Variants in TTC3 observed in about 807,000 individuals in gnomAD.
The protein encoded by TTC3 is E3 ubiquitin-protein ligase TTC3.
In TTC3, 180 loss-of-function variants were observed where a neutral mutation model predicts 249.6. That is an observed-to-expected ratio of 0.72 (90% CI 0.64 to 0.82). TTC3 has a LOEUF of 0.82. TTC3 is among the 40% of genes least tolerant of loss of function. TTC3 has a pLI of 0.00. For synonymous variants in TTC3, 717 were observed against 805.0 expected (o/e 0.89, Z 1.85); for missense variants, 2,061 against 2,398.4 (o/e 0.86, Z 2.94).
chr21:37,090,122 A>T, intron 5 of TTC3, 111 bp from the exon 6 acceptor site: 2 of 675,096 alleles, frequency 3.0e-6, no homozygotes, highest in Non-Finnish European at 4.9e-6. Flanking sequence ...TCGGAAGTGT[A>T]CTACTGAGTA....
At chr21:37,196,108 A>T in intron 42 of TTC3, 72 bp downstream of exon 42, 1 of 1,558,510 alleles carries the variant, frequency 6.4e-7, no homozygotes, top group African/African-American at 1.4e-5. Context: ...AGATAAAATC[A>T]TGGCTAGTTA....
At chr21:37,175,932 G>A (rs2148125182) in intron 35 of TTC3, among the ~76,000 whole-genome samples, 1 of 152,030 alleles carries the variant, frequency 6.6e-6, no homozygotes, top group South Asian at 2.1e-4. Context: ...CACCAAGCCT[G>A]GCTAATTTTT....
At chr21:37,135,622 T>A in intron 18 of TTC3, 108 bp downstream of exon 18, 1 of 1,313,074 alleles carries the variant, frequency 7.6e-7, no homozygotes, top group Non-Finnish European at 1.0e-6. Context: ...AAGACCTTGC[T>A]GAGATTGGCT....
intron 15 of TTC3, 68 bp downstream of exon 15, chr21:37,126,211 A>G (rs1177185816): frequency 1.4e-6 from 2 of 1,448,130 alleles, no homozygotes; most frequent in Non-Finnish European, 9.6e-7. Flanking sequence ...GATGCCCTAC[A>G]ATGTGCACAA....
At chr21:37,190,069 C>G (rs1227998278) in intron 39 of TTC3, among the ~76,000 whole-genome samples, 1 of 149,884 alleles carries the variant, frequency 6.7e-6, no homozygotes, top group African/African-American at 2.5e-5. Context: ...TTCAAACCCT[C>G]AGCATTGAAC....
chr21:37,188,547 T>C (rs749047431), exon 39 of TTC3: 4 of 1,614,032 alleles, frequency 2.5e-6, no homozygotes, highest in African/African-American at 2.7e-5. Context: ...CTACAGATCA[T>C]GGAGTCACAA....
intron 41 of TTC3, among the ~76,000 whole-genome samples, chr21:37,194,136 T>C (rs573995745): frequency 1.2e-4 from 19 of 152,304 alleles, no homozygotes; most frequent in Admixed American, 9.1e-4. Context: ...TAGACACTTC[T>C]AGCTTCATTA....
At chr21:37,156,208 T>TTG (rs529438747) in intron 27 of TTC3, among the ~76,000 whole-genome samples, 7 of 146,734 alleles carry the variant, frequency 4.8e-5, no homozygotes, top group Admixed American at 4.7e-4. Flanking sequence ...GGCTAACTCT[T>TTG]TTTTTTTTTG....
At position 37,096,628 on chromosome 21, in the gene TTC3, G is replaced by A. The variant is rs186310557; in HGVS notation, c.830G>A (p.Arg277His). ...GGTAACCGAGCTCTTTGTTTTCTTC[G>A]TACTGGACAGTTTAGGTAAGTTGGT... The change falls in exon 10 of 46, where the codon CGT becomes CAT. Residue 277 changes from arginine (R) to histidine (H), a missense_variant. By Grantham distance (29) the Arg-to-His change is conservative (BLOSUM62 0). Coordinates refer to ENST00000355666, the Ensembl canonical transcript of TTC3. The A allele has an allele frequency of 9.4e-5, 151 of 1,611,416 alleles. No individual in the cohort carries two copies. Among genetic ancestry groups the A allele is most frequent in the East Asian group, 1.6e-4 (7 of 44,800 alleles).
intron 14 of TTC3, among the ~76,000 whole-genome samples, chr21:37,124,985 A>G (rs1192530086): frequency 6.6e-6 from 1 of 152,246 alleles, no homozygotes; most frequent in African/African-American, 2.4e-5. Flanking sequence ...ACATATTTTT[A>G]AAAATAACCA....
At chr21:37,087,727 T>C (rs2072694375) in intron 2 of TTC3, 106 bp from the exon 3 acceptor site, 1 of 902,502 alleles carries the variant, frequency 1.1e-6, no homozygotes, top group African/African-American at 1.7e-5. Context: ...TTGAAGCATA[T>C]AAATAAATGC....
chr21:37,194,815 A>C (rs1255044698), intron 41 of TTC3: 1 of 152,260 alleles, frequency 6.6e-6, no homozygotes, highest in East Asian at 1.9e-4. Context: ...TGAGCTTGCC[A>C]CTAATGTGGG....
chr21:37,141,215 T>C (rs538991773), intron 20 of TTC3, among the ~76,000 whole-genome samples: 8 of 152,356 alleles, frequency 5.3e-5, no homozygotes, highest in Admixed American at 2.6e-4. Flanking sequence ...AATGTCAGTA[T>C]GTCCCTGAGG....
chr21:37,082,295 G>A (rs1229353936), intron 1 of TTC3: 2 of 157,762 alleles, frequency 1.3e-5, no homozygotes, highest in Middle Eastern at 3.0e-3. Context: ...CATTCCCAAT[G>A]TCTGATATCC....
chr21:37,154,302 G>A (rs1230144098), intron 27 of TTC3, among the ~76,000 whole-genome samples: 2 of 152,216 alleles, frequency 1.3e-5, no homozygotes, highest in African/African-American at 2.4e-5. Context: ...GTTTAGAAAC[G>A]TGGGGCTATT....
intron 21 of TTC3, among the ~76,000 whole-genome samples, chr21:37,146,729 G>A (rs879372024): frequency 3.3e-5 from 5 of 152,306 alleles, no homozygotes; most frequent in Admixed American, 6.5e-5. Flanking sequence ...CTGCTAATGC[G>A]TATGGAGTTT....
chr21:37,194,030 C>T (rs927657467), intron 41 of TTC3: 1 of 152,216 alleles, frequency 6.6e-6, no homozygotes, highest in African/African-American at 2.4e-5. Flanking sequence ...CCTAGAGAGA[C>T]AGAGAACACA....
chr21:37,191,830 C>A (rs1325067968), intron 40 of TTC3, among the ~76,000 whole-genome samples: 1 of 152,120 alleles, frequency 6.6e-6, no homozygotes, highest in African/African-American at 2.4e-5. Context: ...CTCAGGTGAT[C>A]TGCCCGCTTC....
At chr21:37,155,881 ATGGG>A (rs1021726538) in intron 27 of TTC3, among the ~76,000 whole-genome samples, 2 of 152,184 alleles carry the variant, frequency 1.3e-5, no homozygotes, top group Non-Finnish European at 2.9e-5. Flanking sequence ...GTGTTGGGGA[ATGGG>A]TTTACCCATT....
Sources: allele counts gnomAD v4.1 joint callset (sites outside exome capture counted in the v4.1 genomes callset), GRCh38; gene constraint gnomAD v4.1.1; transcripts MANE v1.5; gene names NCBI Gene and HGNC (gene_info 2026-07-23, HGNC 2026-07-21).